Variants in TBX4 observed in about 807,000 individuals in gnomAD.
TBX4 encodes T-box transcription factor TBX4.
Under a neutral mutation model 54.6 loss-of-function variants are expected in TBX4, and 13 were observed. The ratio of observed to expected loss-of-function variants is 0.24; its 90% CI spans 0.15 to 0.38. The LOEUF (loss-of-function observed/expected upper bound fraction) is 0.38, where lower values mean the gene tolerates loss of function less well. TBX4 is among the 10% of genes least tolerant of loss of function. TBX4 has a pLI of 1.00. For synonymous variants in TBX4, 314 were observed against 306.7 expected (o/e 1.02, Z -0.25); for missense variants, 631 against 728.5 (o/e 0.87, Z 1.54).
At chr17:61,456,277 A>T (rs1195132277) in intron 1 of TBX4, among the ~76,000 whole-genome samples, 1 of 152,194 alleles carries the variant, frequency 6.6e-6, no homozygotes, top group Non-Finnish European at 1.5e-5. Flanking sequence ...GAACTGCCGC[A>T]GACCCTCCCA....
chr17:61,477,294 C>T (rs1304459100), intron 5 of TBX4, among the ~76,000 whole-genome samples: 1 of 152,248 alleles, frequency 6.6e-6, no homozygotes, highest in South Asian at 2.1e-4. Context: ...TTTAATGGCA[C>T]ATGATGCAGC....
rs145485761 is a variant in TBX4 at position 61,455,811 on chromosome 17, G to A, written c.-3-677G>A. Among the ~76,000 whole-genome samples, 121 of 152,334 alleles carry A rather than the reference G, an allele frequency of 7.9e-4. 1 individual carries two copies. Among genetic ancestry groups the A allele is most frequent in the African/African-American group, 2.6e-3 (107 of 41,576 alleles). ...GTGTGGCTGCTCAGGCTGGTGGGAT[G>A]CTGTGTGAGGGGCTGTGTTTGGGTG... On this transcript the variant is annotated intron_variant, in intron 1 of 8. Coordinates refer to ENST00000644296, the MANE Select transcript of TBX4 (RefSeq NM_001321120.2).
chr17:61,466,236 GC>G (rs1272220819), intron 4 of TBX4, among the ~76,000 whole-genome samples: 3 of 152,158 alleles, frequency 2.0e-5, no homozygotes, highest in Admixed American at 2.0e-4. Context: ...TGGTAACTAT[GC>G]TGTCAGGTGA....
intron 1 of TBX4, among the ~76,000 whole-genome samples, chr17:61,456,114 T>C (rs889171173): frequency 6.6e-6 from 1 of 152,076 alleles, no homozygotes; most frequent in East Asian, 1.9e-4. Context: ...ACCCCAGTTA[T>C]TGGGGAACAG....
chr17:61,453,646 A>AAAG (rs2143783026), intron 1 of TBX4, among the ~76,000 whole-genome samples: 1 of 152,372 alleles, frequency 6.6e-6, no homozygotes, highest in East Asian at 1.9e-4. Flanking sequence ...ACAATATTAC[A>AAAG]AAGTATGACA....
At position 61,478,813 on chromosome 17, in the gene TBX4, C is replaced by T. The variant is rs1391297634; in HGVS notation, c.702+34C>T. Reference sequence around the variant, plus strand: ...ACTGCCCCACTGCCCCACAGCCCCACTTAACACCACCCTGCGTTCTCTTCC... The same window carrying T: ...ACTGCCCCACTGCCCCACAGCCCCATTTAACACCACCCTGCGTTCTCTTCC... On this transcript the variant is annotated intron_variant, in intron 6 of 8. Coordinates refer to ENST00000644296, the MANE Select transcript of TBX4 (RefSeq NM_001321120.2). This position sits in a 1 kb window ranked among gnomAD's most constrained non-coding sequence, Gnocchi z 7.4. 6.2e-7 allele frequency: 1 copy of T among 1,614,120 alleles called. No individual in the cohort carries two copies. The highest frequency in any genetic ancestry group is 8.5e-7 in the Non-Finnish European group (1 of 1,179,996).
intron 5 of TBX4, among the ~76,000 whole-genome samples, chr17:61,469,386 G>T (rs1357810842): frequency 5.9e-5 from 9 of 152,212 alleles, no homozygotes; most frequent in African/African-American, 2.2e-4. Flanking sequence ...GGCTTGTGAT[G>T]CTGGGGGTGC....
At chr17:61,456,410 GAAT>G in intron 1 of TBX4, 75 bp from the exon 2 acceptor site, 23 of 1,528,758 alleles carry the variant, frequency 1.5e-5, no homozygotes, top group Non-Finnish European at 2.0e-5. Context: ...CGAAGTCCCG[GAAT>G]CGGCTGGAGA....
In TBX4 at chr17:61,483,310, T is replaced by C. The variant is rs2060679082; in HGVS notation, c.1435T>C (p.Ser479Pro). ...CCACTTTAGTGTCTACAATCAGCTCTCCCAGTCTCAGGTCCGAGAGCGGGG... is the reference window on the plus strand; with the variant it reads ...CCACTTTAGTGTCTACAATCAGCTCCCCCAGTCTCAGGTCCGAGAGCGGGG... Reference protein sequence around the residue: ...NAHFSVYNQLSQSQVRERGPS... With the variant: ...NAHFSVYNQLPQSQVRERGPS... Residue 479 changes from serine to proline, a missense_variant, in exon 9 of 9, where the codon TCC becomes CCC. Ser to Pro is a moderately conservative substitution (Grantham distance 74). This residue lies in a region of TBX4 where 354 missense variants were observed against 368.9 expected (regional missense o/e 0.96). Transcript: ENST00000644296. This position sits in a 1 kb window ranked among gnomAD's most constrained non-coding sequence, Gnocchi z 6.6. 3 of 1,611,750 alleles carry C rather than the reference T, an allele frequency of 1.9e-6. No individual in the cohort carries two copies. The South Asian group carries it at 3.3e-5, about 18-fold the overall frequency.
chr17:61,455,158 C>T lies in TBX4; in HGVS notation c.-3-1330C>T, dbSNP rs114542698. On this transcript the variant is annotated intron_variant, in intron 1 of 8. Coordinates refer to ENST00000644296, the MANE Select transcript of TBX4 (RefSeq NM_001321120.2). ...GGTTTTTCCCAACCCAGACTGGCCC[C>T]GGCCCCTTTTTATCTCCTGGGTTGC... Among the ~76,000 whole-genome samples the T allele has an allele frequency of 4.6e-3, 707 of 152,356 alleles. 6 individuals carry two copies. The highest frequency in any genetic ancestry group is 0.016 in the African/African-American group (665 of 41,588).
Position 61,479,951 on chromosome 17 carries a change from G to C in TBX4, c.773G>C (p.Arg258Pro), listed in dbSNP as rs748931901. 1 of 1,613,960 alleles carries C rather than the reference G, an allele frequency of 6.2e-7. No homozygotes were observed. Among genetic ancestry groups the C allele is most frequent in the Admixed American group, 1.7e-5 (1 of 60,002 alleles). The change falls in exon 7 of 9, where the codon CGT becomes CCT. Residue 258 changes from arginine to proline, a missense_variant. Arg to Pro is a moderately radical substitution (Grantham distance 103, BLOSUM62 -2). This residue lies in a region of TBX4 where 154 missense variants were observed against 238.6 expected (regional missense o/e 0.65). Transcript: ENST00000644296. The surrounding 1 kb of genome is among the most constrained non-coding windows in gnomAD (Gnocchi z 6.1). Reference protein sequence around the residue: ...GFRGSDDSDLRVARLQSKEYP... With the variant: ...GFRGSDDSDLPVARLQSKEYP... ...CGGGGCAGTGATGACAGTGACCTGCGTGTGGCCCGACTGCAGAGGTGGGGC... is the reference window on the plus strand; with the variant it reads ...CGGGGCAGTGATGACAGTGACCTGCCTGTGGCCCGACTGCAGAGGTGGGGC...
chr17:61,477,200 G>A (rs118125184), intron 5 of TBX4, among the ~76,000 whole-genome samples: 2,951 of 152,340 alleles, frequency 0.019, 47 homozygotes, highest in Middle Eastern at 0.031. Context: ...AACAGAAGCC[G>A]CAGGGCTGAT....
intron 5 of TBX4, among the ~76,000 whole-genome samples, chr17:61,468,748 C>T (rs2060554265): frequency 6.6e-6 from 1 of 152,214 alleles, no homozygotes. Flanking sequence ...GTTTGTGAGT[C>T]CCTTTGCTGG....
At chr17:61,455,682 CT>C (rs2060442832) in intron 1 of TBX4, among the ~76,000 whole-genome samples, 1 of 152,208 alleles carries the variant, frequency 6.6e-6, no homozygotes, top group African/African-American at 2.4e-5. Context: ...AAGCAGAGCC[CT>C]GTGGCGCTAA....
chr17:61,477,716 G>A (rs910640860), intron 5 of TBX4, among the ~76,000 whole-genome samples: 7 of 152,164 alleles, frequency 4.6e-5, no homozygotes, highest in Admixed American at 1.3e-4. Flanking sequence ...CAAGGTGGGC[G>A]GATCACTGGA....
Position 61,483,335 on chromosome 17 carries a change from G to A in TBX4, c.1460G>A (p.Gly487Glu). Residue 487 changes from glycine (G) to glutamate (E), a missense_variant, in exon 9 of 9, where the codon GGG becomes GAG. Coordinates refer to ENST00000644296, the MANE Select transcript of TBX4 (RefSeq NM_001321120.2). This position sits in a 1 kb window ranked among gnomAD's most constrained non-coding sequence, Gnocchi z 6.6. ...TCCCAGTCTCAGGTCCGAGAGCGGGGGCCCAGCGCCTCATTCCCAAGAGAG... is the reference window on the plus strand; with the variant it reads ...TCCCAGTCTCAGGTCCGAGAGCGGGAGCCCAGCGCCTCATTCCCAAGAGAG... ...QLSQSQVRER[G>E]PSASFPRERG... The A allele has an allele frequency of 1.2e-6, 2 of 1,610,022 alleles. No homozygotes were observed. Among genetic ancestry groups the A allele is most frequent in the Non-Finnish European group, 1.7e-6 (2 of 1,176,826 alleles).
chr17:61,453,832 G>A (rs954999720), intron 1 of TBX4, among the ~76,000 whole-genome samples: 2 of 152,178 alleles, frequency 1.3e-5, no homozygotes, highest in South Asian at 2.1e-4. Context: ...TTATAAGGAT[G>A]TGAGGGAAAT....
At chr17:61,473,365 C>T (rs1199461870) in intron 5 of TBX4, among the ~76,000 whole-genome samples, 2 of 152,196 alleles carry the variant, frequency 1.3e-5, no homozygotes, top group African/African-American at 4.8e-5. Context: ...CATCCTAGTG[C>T]CTAGCCACCG....
Position 61,457,026 on chromosome 17 carries a change from G to C in TBX4, c.186+350G>C, listed in dbSNP as rs1386388825. On this transcript the variant is annotated intron_variant, in intron 2 of 8. Coordinates refer to ENST00000644296, the MANE Select transcript of TBX4 (RefSeq NM_001321120.2). This position sits in a 1 kb window ranked among gnomAD's most constrained non-coding sequence, Gnocchi z 8.2. Reference sequence around the variant, plus strand: ...GGGCCTGGGACCCAACGGCGAGGGGGCAGGAGGAGGCCACCCCGCCGGTGC... The same window carrying C: ...GGGCCTGGGACCCAACGGCGAGGGGCCAGGAGGAGGCCACCCCGCCGGTGC... Among the ~76,000 whole-genome samples, 1 of 152,198 alleles carries C rather than the reference G, an allele frequency of 6.6e-6. No individual in the cohort carries two copies. The highest frequency in any genetic ancestry group is 1.5e-5 in the Non-Finnish European group (1 of 68,032).
Sources: gnomAD v4.1 joint callset for allele counts (sites outside exome capture counted in the v4.1 genomes callset) on GRCh38, gnomAD v4.1.1 for gene constraint, gnomAD v4.1.1 regional missense constraint, Gnocchi (gnomAD v3.1) non-coding constraint, MANE v1.5 for transcripts, NCBI Gene and HGNC (gene_info 2026-07-23, HGNC 2026-07-21) for gene names.